KNTC1: variants seen among roughly 807,000 people sequenced by gnomAD.
The protein encoded by KNTC1 is kinetochore associated 1.
KNTC1 carries 253 observed loss-of-function variants against 314.4 expected under a neutral mutation model. The observed-to-expected ratio is 0.80, with a 90% CI of 0.73 to 0.89. The LOEUF (loss-of-function observed/expected upper bound fraction) is 0.89, where lower values mean the gene tolerates loss of function less well. Ranked by LOEUF, KNTC1 falls within the 40% of genes least tolerant of loss-of-function variation. The probability of loss-of-function intolerance (pLI) is 0.00; values close to 1 mark genes in which losing one functional copy is unlikely to be tolerated. For missense variants in KNTC1, 2,475 were observed against 2,572.9 expected (o/e 0.96, Z 0.82); for synonymous variants, 901 against 901.4 (o/e 1.00, Z 0.01).
At chr12:122,614,892 AAGC>A (rs1033063968) in intron 55 of KNTC1, 96 bp from the exon 56 acceptor site, 61 of 752,498 alleles carry the variant, frequency 8.1e-5, no homozygotes, top group Non-Finnish European at 1.2e-4. Context: ...AAAAAAAAAA[AAGC>A]AGCATATTTT....
chr12:122,591,975 G>A (rs1160863017), intron 42 of KNTC1, among the ~76,000 whole-genome samples: 1 of 152,194 alleles, frequency 6.6e-6, no homozygotes, highest in Non-Finnish European at 1.5e-5. Context: ...CCCTTTTTGG[G>A]CTGGCCAAGG....
rs906027537 is a variant in KNTC1, at chr12:122,591,207, C to G, written c.4129-130C>G. The G allele has an allele frequency of 1.8e-5, 12 of 665,412 alleles. No homozygotes were observed. The South Asian group carries it at 2.1e-4, about 11-fold the overall frequency. The allele number at this position is 665,412 out of a possible 1,614,324, so 41.2% of individuals were successfully genotyped here. ...TTACGTAAGAAGTAACGACTGTGTA[C>G]AAAATAATATGTAACATTCTACACG... On this transcript the variant is annotated intron_variant, in intron 41 of 63. Transcript: ENST00000333479.
At chr12:122,613,292 C>A in intron 54 of KNTC1, 62 bp downstream of exon 54, 1 of 1,075,350 alleles carries the variant, frequency 9.3e-7, no homozygotes, top group Non-Finnish European at 1.4e-6. Flanking sequence ...TGGAGCTGTA[C>A]CTTTTAAGCC....
intron 34 of KNTC1, 102 bp from the exon 35 acceptor site, chr12:122,584,175 AT>A: frequency 1.2e-6 from 1 of 816,084 alleles, no homozygotes; most frequent in South Asian, 1.7e-5. Context: ...TTTAAAAGAC[AT>A]TTAATGTGTT....
intron 20 of KNTC1, among the ~76,000 whole-genome samples, chr12:122,567,382 T>C (rs962322919): frequency 6.6e-6 from 1 of 152,096 alleles, no homozygotes; most frequent in Non-Finnish European, 1.5e-5. Context: ...TTTTTAAAAA[T>C]GTTTAACCAG....
At chr12:122,580,753 G>GATTACAGGGGTAAGCCACTGCGCCCAGC in intron 33 of KNTC1, 83 bp downstream of exon 33, 1 of 860,734 alleles carries the variant, frequency 1.2e-6, no homozygotes, top group Non-Finnish European at 1.8e-6. Context: ...GTATGGCTGG[G>GATTACAGGGGTAAGCCACTGCGCCCAGC]CGCAGTGGCT....
intron 44 of KNTC1, among the ~76,000 whole-genome samples, chr12:122,599,209 G>A (rs117022682): frequency 0.023 from 3,421 of 151,770 alleles, 67 homozygotes; most frequent in South Asian, 0.044. Context: ...TCAAGTGATC[G>A]TCCTGTTCAG....
intron 27 of KNTC1, among the ~76,000 whole-genome samples, chr12:122,575,015 C>A (rs182363702): frequency 3.3e-5 from 5 of 152,328 alleles, no homozygotes; most frequent in Admixed American, 3.3e-4. Flanking sequence ...AATCCCAGCA[C>A]TTTTGGAAGC....
intron 24 of KNTC1, 33 bp downstream of exon 24, chr12:122,571,159 ACAGT>A: frequency 6.7e-7 from 1 of 1,486,338 alleles, no homozygotes; most frequent in East Asian, 2.3e-5. Flanking sequence ...TAGTAATGAA[ACAGT>A]CAGTTTACCT....
At chr12:122,592,038 A>G (rs371630754) in intron 42 of KNTC1, among the ~76,000 whole-genome samples, 1 of 152,206 alleles carries the variant, frequency 6.6e-6, no homozygotes, top group Non-Finnish European at 1.5e-5. Context: ...AGGCGCGAGC[A>G]GGAACCCGGG....
chr12:122,616,076 A>G (rs561372471), intron 57 of KNTC1, among the ~76,000 whole-genome samples: 1 of 152,132 alleles, frequency 6.6e-6, no homozygotes, highest in Non-Finnish European at 1.5e-5. Context: ...TACATTTCAC[A>G]TAAGTTGTGT....
chr12:122,605,990 G>T (rs1274824221), intron 51 of KNTC1, among the ~76,000 whole-genome samples: 1 of 152,026 alleles, frequency 6.6e-6, no homozygotes, highest in Non-Finnish European at 1.5e-5. Context: ...CTACACGTGT[G>T]CATCACCATG....
At chr12:122,529,618 C>G (rs1204747792) in intron 1 of KNTC1, among the ~76,000 whole-genome samples, 2 of 152,224 alleles carry the variant, frequency 1.3e-5, no homozygotes, top group African/African-American at 4.8e-5. Flanking sequence ...AATCTGGCAT[C>G]TAAACCTACA....
intron 16 of KNTC1, among the ~76,000 whole-genome samples, chr12:122,554,562 A>C (rs1369358756): frequency 1.3e-5 from 2 of 152,174 alleles, no homozygotes; most frequent in East Asian, 1.9e-4. Context: ...TTTAAAGCTA[A>C]AGGTGATGAG....
intron 42 of KNTC1, among the ~76,000 whole-genome samples, chr12:122,592,594 ACT>A (rs1489593996): frequency 1.3e-5 from 2 of 152,016 alleles, no homozygotes; most frequent in Non-Finnish European, 2.9e-5. Context: ...ACCAATCTAC[ACT>A]CTGTATCTAG....
chr12:122,593,658 GC>G (rs1453388395), intron 42 of KNTC1: 1 of 152,416 alleles, frequency 6.6e-6, no homozygotes, highest in African/African-American at 2.4e-5. Context: ...AGGCTGGAGT[GC>G]AGTGGCATTA....
rs191150736 is a variant in KNTC1 at position 122,576,728 on chromosome 12, A to G, written c.2587-167A>G. Among the ~76,000 whole-genome samples the G allele has an allele frequency of 7.9e-5, 12 of 152,282 alleles. No homozygotes were observed. The East Asian group carries it at 2.1e-3, about 27-fold the overall frequency. On this transcript the variant is annotated intron_variant, in intron 29 of 63. Coordinates refer to ENST00000333479, the MANE Select transcript of KNTC1 (RefSeq NM_014708.6). ...ATTAAGAAGCTGTAGAAGAAAGAAGACAGGACTGTGGAATGATCAGAATAT... is the reference window on the plus strand; with the variant it reads ...ATTAAGAAGCTGTAGAAGAAAGAAGGCAGGACTGTGGAATGATCAGAATAT...
intron 45 of KNTC1, chr12:122,602,064 T>C (rs1871997352): frequency 6.6e-6 from 1 of 152,218 alleles, no homozygotes. Context: ...ATTTTGGTCA[T>C]AGTGGCTTTT....
intron 51 of KNTC1, among the ~76,000 whole-genome samples, chr12:122,607,845 T>G (rs758759926): frequency 6.6e-6 from 1 of 152,196 alleles, no homozygotes; most frequent in Non-Finnish European, 1.5e-5. Context: ...TGATTCAGGT[T>G]ATGTGCTTTT....
Sources: gnomAD v4.1 joint callset for allele counts (sites outside exome capture counted in the v4.1 genomes callset) on GRCh38, gnomAD v4.1.1 for gene constraint, MANE v1.5 for transcripts, NCBI Gene and HGNC (gene_info 2026-07-23, HGNC 2026-07-21) for gene names.